Variants in POLE2 observed in about 807,000 individuals in gnomAD.
The protein encoded by POLE2 is DNA polymerase epsilon subunit 2.
A neutral mutation model predicts 79.4 loss-of-function variants in POLE2; 56 were observed. The observed-to-expected ratio is 0.71, with a 90% confidence interval of 0.57 to 0.88. The LOEUF is 0.88. Ranked by LOEUF, POLE2 falls within the 40% of genes least tolerant of loss-of-function variation. The probability of loss-of-function intolerance (pLI) is 0.00; values close to 1 mark genes in which losing one functional copy is unlikely to be tolerated. For missense variants in POLE2, 598 were observed against 638.9 expected, an observed-to-expected ratio of 0.94 and a Z score of 0.69; for synonymous variants, 212 against 214.0, an observed-to-expected ratio of 0.99 and a Z score of 0.08.
At chr14:49,652,849 A>AC (rs1202069155) in intron 15 of POLE2, among the ~76,000 whole-genome samples, 1 of 150,960 alleles carries the variant, frequency 6.6e-6, no homozygotes. Context: ...TCCCAAAATC[A>AC]CCCCCACCCC....
At chr14:49,677,169 C>T (rs752177450) in intron 3 of POLE2, among the ~76,000 whole-genome samples, 5 of 152,206 alleles carry the variant, frequency 3.3e-5, no homozygotes, top group African/African-American at 7.2e-5. Context: ...GGAGGCCCAG[C>T]CAAGAAGCAA....
chr14:49,644,930 T>C (rs1056844044), intron 18 of POLE2, among the ~76,000 whole-genome samples: 5 of 151,802 alleles, frequency 3.3e-5, no homozygotes, highest in African/African-American at 9.7e-5. Context: ...TGATCCCAGC[T>C]ACTTGGGAGG....
At chr14:49,649,611 A>G (rs528270009) in intron 17 of POLE2, among the ~76,000 whole-genome samples, 1 of 151,520 alleles carries the variant, frequency 6.6e-6, no homozygotes, top group South Asian at 2.1e-4. Flanking sequence ...CACCACGCCC[A>G]GCTAATTATT....
At position 49,669,882 on chromosome 14, in the gene POLE2, T is replaced by C. The variant is rs74362263; in HGVS notation, c.418-284A>G. 4.1e-3 allele frequency among the ~76,000 whole-genome samples: 627 copies of C among 152,268 alleles called. No homozygotes were observed. The highest frequency in any genetic ancestry group is 0.014 in the African/African-American group (584 of 41,568). On this transcript the variant is annotated intron_variant, in intron 5 of 18. Coordinates refer to ENST00000216367, the MANE Select transcript of POLE2 (RefSeq NM_002692.4). ...ACAACCAAGTGTCACCCTGAGAGCA[T>C]TGGGGCTAGTGAAAGAGAAGTGCCA...
chr14:49,679,859 C>T (rs1886574093), intron 2 of POLE2, 59 bp from the exon 3 acceptor site: 1 of 906,186 alleles, frequency 1.1e-6, no homozygotes, highest in Non-Finnish European at 1.8e-6. Context: ...GTTCTTTCCA[C>T]AGACAGCTCT....
intron 3 of POLE2, among the ~76,000 whole-genome samples, chr14:49,676,245 C>T (rs1444941595): frequency 1.3e-5 from 2 of 152,072 alleles, no homozygotes; most frequent in African/African-American, 4.8e-5. Flanking sequence ...TAAAAATTTC[C>T]ACAGCACTAC....
At chr14:49,682,590 T>C (rs1385466474) in intron 2 of POLE2, among the ~76,000 whole-genome samples, 1 of 122,626 alleles carries the variant, frequency 8.2e-6, no homozygotes, top group Non-Finnish European at 1.6e-5. Flanking sequence ...TGAGCCGAAA[T>C]AGCACCACTG....
intron 10 of POLE2, among the ~76,000 whole-genome samples, chr14:49,659,163 T>C (rs904300444): frequency 2.0e-5 from 3 of 152,174 alleles, no homozygotes; most frequent in African/African-American, 7.2e-5. Flanking sequence ...ATGCCTGTAA[T>C]CACAGTACTT....
chr14:49,667,642 T>C (rs1368308164), intron 6 of POLE2, among the ~76,000 whole-genome samples: 1 of 151,638 alleles, frequency 6.6e-6, no homozygotes, highest in Non-Finnish European at 1.5e-5. Context: ...TAAACTGGGC[T>C]CAAGTGATCC....
At chr14:49,664,198 A>T (rs912746480) in intron 9 of POLE2, among the ~76,000 whole-genome samples, 8 of 151,692 alleles carry the variant, frequency 5.3e-5, no homozygotes, top group Non-Finnish European at 8.8e-5. Flanking sequence ...AAATACAAAA[A>T]ATTAGCTAGG....
intron 15 of POLE2, among the ~76,000 whole-genome samples, chr14:49,653,625 T>C (rs1342516600): frequency 6.6e-6 from 1 of 151,946 alleles, no homozygotes; most frequent in Non-Finnish European, 1.5e-5. Flanking sequence ...GTTTTTTTGT[T>C]TTTTGTTTTT....
At chr14:49,660,855 C>T (rs1885048994) in intron 10 of POLE2, among the ~76,000 whole-genome samples, 1 of 152,340 alleles carries the variant, frequency 6.6e-6, no homozygotes, top group East Asian at 1.9e-4. Flanking sequence ...GGTGCCATTG[C>T]ACTCCAGCCT....
chr14:49,646,302 G>GTTTTTTTTTTTTTTTTTTTTT lies in POLE2; in HGVS notation c.1565+970_1565+990dup, dbSNP rs1162033821. Among the ~76,000 whole-genome samples the GTTTTTTTTTTTTTTTTTTTTT allele has an allele frequency of 1.3e-4, 11 of 84,572 alleles. 1 individual carries two copies. Among genetic ancestry groups the GTTTTTTTTTTTTTTTTTTTTT allele is most frequent in the South Asian group, 5.2e-4 (1 of 1,922 alleles). The allele number at this position is 84,572 out of a possible 152,430, so 55.5% of individuals were successfully genotyped here. Reference sequence around the variant, plus strand: ...GATTTGGTCAGTTGTTTTTTTGTTGGTTTTTTTTTTTTTTTTTTTTTTTTT... The same window carrying GTTTTTTTTTTTTTTTTTTTTT: ...GATTTGGTCAGTTGTTTTTTTGTTGGTTTTTTTTTTTTTTTTTTTTTTTTTTTTTTTTTTTTTTTTTTTTTT... On this transcript the variant is annotated intron_variant, in intron 18 of 18. Coordinates refer to ENST00000216367, the MANE Select transcript of POLE2 (RefSeq NM_002692.4).
At position 49,659,654 on chromosome 14, in the gene POLE2, C is replaced by T. The variant is rs142160813; in HGVS notation, c.755+3661G>A. Among the ~76,000 whole-genome samples, 257 of 152,272 alleles carry T rather than the reference C, an allele frequency of 1.7e-3. 1 individual carries two copies. The East Asian group carries it at 0.023, about 13-fold the overall frequency. On this transcript the variant is annotated intron_variant, in intron 10 of 18. Coordinates refer to ENST00000216367, the MANE Select transcript of POLE2 (RefSeq NM_002692.4). ...GAAGTATAGTGGCACAATGATAATT[C>T]ACAGCAGCCTTTAACTCCTGGGCTC...
chr14:49,654,438 C>T (rs934721187), intron 13 of POLE2: 3 of 487,720 alleles, frequency 6.2e-6, no homozygotes, highest in African/African-American at 6.0e-5. Flanking sequence ...TGAATTGTGG[C>T]TAGCATAGCT....
chr14:49,653,831 A>T, intron 15 of POLE2, 159 bp downstream of exon 15: 1 of 543,994 alleles, frequency 1.8e-6, no homozygotes, highest in Non-Finnish European at 3.3e-6. Flanking sequence ...TACTTTTTGT[A>T]GAGATGGGTT....
At chr14:49,656,418 A>C (rs1328037585) in intron 10 of POLE2, among the ~76,000 whole-genome samples, 1 of 152,182 alleles carries the variant, frequency 6.6e-6, no homozygotes, top group Non-Finnish European at 1.5e-5. Context: ...TGTCACTGAA[A>C]GTAGAAGAAA....
intron 5 of POLE2, 45 bp from the exon 6 acceptor site, chr14:49,669,643 A>C: frequency 1.0e-6 from 1 of 987,680 alleles, no homozygotes; most frequent in Non-Finnish European, 1.6e-6. Context: ...ACAGACATTT[A>C]AATATAAGAT....
chr14:49,648,212 C>G (rs2139603692), intron 17 of POLE2, among the ~76,000 whole-genome samples: 1 of 152,322 alleles, frequency 6.6e-6, no homozygotes, highest in South Asian at 2.1e-4. Context: ...TCTTTTCAGT[C>G]TTTGTGCCCC....
Sources: gnomAD v4.1 joint callset for allele counts (sites outside exome capture counted in the v4.1 genomes callset) on GRCh38, gnomAD v4.1.1 for gene constraint, MANE v1.5 for transcripts, NCBI Gene and HGNC (gene_info 2026-07-23, HGNC 2026-07-21) for gene names.